SLC5A11: variants seen among roughly 807,000 people sequenced by gnomAD.
The protein encoded by SLC5A11 is sodium/myo-inositol cotransporter 2.
Under a neutral mutation model 69.8 loss-of-function variants are expected in SLC5A11, and 48 were observed. The observed-to-expected ratio is 0.69, with a 90% CI of 0.55 to 0.87. SLC5A11 has a LOEUF of 0.87. Ranked by LOEUF, SLC5A11 falls within the 40% of genes least tolerant of loss-of-function variation. The pLI is 0.00. For missense variants in SLC5A11, 784 were observed against 866.1 expected (o/e 0.91, Z 1.19); for synonymous variants, 319 against 342.4 (o/e 0.93, Z 0.75).
intron 10 of SLC5A11, among the ~76,000 whole-genome samples, chr16:24,901,336 C>T (rs2049574526): frequency 6.6e-6 from 1 of 152,062 alleles, no homozygotes; most frequent in Admixed American, 6.6e-5. Context: ...TTCATTTGGC[C>T]AGGAGCAATG....
At position 24,872,284 on chromosome 16, in the gene SLC5A11, T is replaced by G. The variant is rs142664583; in HGVS notation, c.372+65T>G. On this transcript the variant is annotated intron_variant, in intron 5 of 15. Transcript: ENST00000347898. ...TGCTTTGGGAATCTCAGCCCTGCAG[T>G]CCCTCCCTCATCCCGCCATCCCTCC... 5.7e-4 allele frequency: 891 copies of G among 1,569,898 alleles called. 15 individuals are homozygous for G. The East Asian group carries it at 0.019, about 34-fold the overall frequency.
chr16:24,904,391 C>T (rs2049865772), intron 10 of SLC5A11, among the ~76,000 whole-genome samples: 1 of 152,216 alleles, frequency 6.6e-6, no homozygotes, highest in African/African-American at 2.4e-5. Flanking sequence ...GTTTCCCCTT[C>T]TTCACATCTT....
At position 24,908,903 on chromosome 16, in the gene SLC5A11, C is replaced by G. The variant is rs372842024; in HGVS notation, c.1457C>G (p.Ser486Trp). The change falls in exon 14 of 16, where the codon TCG becomes TGG. Residue 486 changes from serine to tryptophan, a missense_variant. By Grantham distance (177) the Ser-to-Trp change is radical. This residue lies in a region of SLC5A11 where 550 missense variants were observed against 606.4 expected (regional missense o/e 0.91). Coordinates refer to ENST00000347898, the Ensembl canonical transcript of SLC5A11. ...CAGGGTGCCTTCTGGGGCCTGATCT[C>G]GGGCCTGCTCCTGGGCTTGGTTAGG... 7.4e-6 allele frequency: 12 copies of G among 1,613,742 alleles called. No individual in the cohort carries two copies. In the East Asian group the frequency reaches 2.2e-4, roughly 30 times the overall value.
At chr16:24,866,223 C>A (rs368328774) in intron 3 of SLC5A11, among the ~76,000 whole-genome samples, 17 of 150,944 alleles carry the variant, frequency 1.1e-4, no homozygotes, top group African/African-American at 3.4e-4. Context: ...GGATTAAACA[C>A]TCCAATCAAA....
chr16:24,908,201 G>A, intron 13 of SLC5A11, 70 bp downstream of exon 14: 1 of 1,497,194 alleles, frequency 6.7e-7, no homozygotes, highest in African/African-American at 1.4e-5. Context: ...AGGATGGGAG[G>A]GGAGGGTGTT....
chr16:24,880,647 T>A (rs1202681258), intron 7 of SLC5A11, among the ~76,000 whole-genome samples: 1 of 151,948 alleles, frequency 6.6e-6, no homozygotes, highest in African/African-American at 2.4e-5. Context: ...TGCTACACAC[T>A]TTTAAACAAC....
chr16:24,875,869 G>A (rs2047639192), intron 6 of SLC5A11, 138 bp downstream of exon 7: 1 of 733,018 alleles, frequency 1.4e-6, no homozygotes, highest in Non-Finnish European at 2.3e-6. Flanking sequence ...GAGGAAGATG[G>A]CATGGGGGGA....
intron 1 of SLC5A11, among the ~76,000 whole-genome samples, chr16:24,849,593 A>AAAAAAAAAAAAAATAT: frequency 2.8e-5 from 1 of 35,910 alleles, no homozygotes; most frequent in Non-Finnish European, 5.6e-5. Context: ...AAAAAAAAAA[A>AAAAAAAAAAAAAATAT]ATATATATAT....
intron 1 of SLC5A11, among the ~76,000 whole-genome samples, chr16:24,851,615 T>C (rs274112): frequency 0.96 from 146,383 of 152,324 alleles, 70,458 homozygotes; most frequent in Non-Finnish European, 0.99. Context: ...AAGTCATGCT[T>C]TCTTTAAAAA....
At chr16:24,872,110 T>A in intron 4 of SLC5A11, 50 bp from the exon 6 acceptor site, 1 of 1,611,986 alleles carries the variant, frequency 6.2e-7, no homozygotes, top group African/African-American at 1.3e-5. Flanking sequence ...TCCAAATGGG[T>A]ACCTTGTTGT....
At chr16:24,858,542 C>T in intron 1 of SLC5A11, 78 bp from the exon 3 acceptor site, 2 of 1,369,050 alleles carry the variant, frequency 1.5e-6, no homozygotes, top group Non-Finnish European at 9.9e-7. Context: ...TCATGGATGG[C>T]CTAGGGAGGT....
Position 24,883,977 on chromosome 16 carries a change from GGTTCCCTT to G in SLC5A11, c.584-72_584-65del. On this transcript the variant is annotated intron_variant, in intron 7 of 15. Coordinates refer to ENST00000347898, the Ensembl canonical transcript of SLC5A11. ...TCTCCCATCGGGTCCTGGCCTTCCAGGTTCCCTTGGTGACCCAGAGTAACCCCTTCTCG... is the reference window on the plus strand; with the variant it reads ...TCTCCCATCGGGTCCTGGCCTTCCAGGGTGACCCAGAGTAACCCCTTCTCG... 2.1e-6 allele frequency: 3 copies of G among 1,409,016 alleles called. No individual in the cohort carries two copies. In the South Asian group the frequency reaches 3.6e-5, roughly 17 times the overall value. The allele number at this position is 1,409,016 out of a possible 1,614,324, so 87.3% of individuals were successfully genotyped here.
chr16:24,877,414 T>C lies in SLC5A11; in HGVS notation c.583+51T>C, dbSNP rs1372497394. The C allele has an allele frequency of 2.9e-6, 4 of 1,383,218 alleles. No individual in the cohort carries two copies. The African/African-American group carries it at 5.7e-5, about 20-fold the overall frequency. The allele number at this position is 1,383,218 out of a possible 1,614,324, so 85.7% of individuals were successfully genotyped here. ...TAGCAGAGGCAGTGGGCAGGGGCTG[T>C]GGGCCACTCTACCTTCTCCTTGCCC... On this transcript the variant is annotated intron_variant, in intron 7 of 15. Coordinates refer to ENST00000347898, the Ensembl canonical transcript of SLC5A11.
intron 3 of SLC5A11, among the ~76,000 whole-genome samples, chr16:24,864,261 AG>A (rs1383269796): frequency 6.6e-6 from 1 of 152,228 alleles, no homozygotes; most frequent in Non-Finnish European, 1.5e-5. Context: ...CTGCACAAGC[AG>A]GAAGTGAAGG....
At chr16:24,857,990 T>C (rs184968975) in intron 1 of SLC5A11, among the ~76,000 whole-genome samples, 3 of 152,296 alleles carry the variant, frequency 2.0e-5, no homozygotes, top group Non-Finnish European at 4.4e-5. Flanking sequence ...ATTATTGAGT[T>C]CAAATCTCAG....
intron 7 of SLC5A11, among the ~76,000 whole-genome samples, chr16:24,880,852 T>C (rs2047998761): frequency 6.6e-6 from 1 of 152,158 alleles, no homozygotes; most frequent in Non-Finnish European, 1.5e-5. Flanking sequence ...AGCATTTCCT[T>C]TTCTCCACAA....
chr16:24,905,636 GCGCGCACACACACACACACA>G (rs929139718), intron 10 of SLC5A11, among the ~76,000 whole-genome samples: 10 of 78,204 alleles, frequency 1.3e-4, no homozygotes, highest in Non-Finnish European at 2.4e-4. Context: ...ACACGCGCGC[GCGCGCACACACACACACACA>G]CACACACACA....
chr16:24,884,240 C>T, intron 8 of SLC5A11, 109 bp downstream of exon 9: 1 of 1,060,176 alleles, frequency 9.4e-7, no homozygotes, highest in Admixed American at 2.1e-5. Flanking sequence ...GAGCATACTA[C>T]TGGGGAATTT....
intron 14 of SLC5A11, among the ~76,000 whole-genome samples, chr16:24,909,527 T>C (rs1293249330): frequency 2.1e-5 from 3 of 143,622 alleles, no homozygotes; most frequent in Admixed American, 6.9e-5. Context: ...GTAATCTCAG[T>C]TACTAGAGAG....
Sources: allele counts gnomAD v4.1 joint callset (sites outside exome capture counted in the v4.1 genomes callset), GRCh38; gene constraint gnomAD v4.1.1; regional missense constraint gnomAD v4.1.1; transcripts MANE v1.5; gene names NCBI Gene and HGNC (gene_info 2026-07-23, HGNC 2026-07-21).